The following PRDM5 variants were observed in gnomAD, a reference collection of about 807,000 sequenced individuals.
PRDM5 encodes PR/SET domain 5.
Under a neutral mutation model 81.2 loss-of-function variants are expected in PRDM5, and 56 were observed. The ratio of observed to expected loss-of-function variants is 0.69; its 90% CI spans 0.56 to 0.86. The LOEUF is 0.86. Ranked by LOEUF, PRDM5 falls within the 40% of genes least tolerant of loss-of-function variation. PRDM5 has a pLI of 0.00. For synonymous variants in PRDM5, 267 were observed against 256.4 expected (o/e 1.04, Z -0.39); for missense variants, 697 against 770.1 (o/e 0.91, Z 1.12).
At chr4:120,785,218 G>A (rs1201914647) in intron 10 of PRDM5, 127 bp from the exon 11 acceptor site, 1 of 725,456 alleles carries the variant, frequency 1.4e-6, no homozygotes, top group East Asian at 2.7e-5. Context: ...GTTTCTTCTA[G>A]TGCCATTCTT....
chr4:120,816,994 A>C, intron 5 of PRDM5, 70 bp from the exon 6 acceptor site: 1 of 1,204,160 alleles, frequency 8.3e-7, no homozygotes, highest in Non-Finnish European at 1.2e-6. Flanking sequence ...AAATGAAACT[A>C]CACTAACTCT....
chr4:120,729,830 C>T (rs1168719923), intron 14 of PRDM5, among the ~76,000 whole-genome samples: 2 of 152,176 alleles, frequency 1.3e-5, no homozygotes, highest in African/African-American at 2.4e-5. Flanking sequence ...AGTGGCACCA[C>T]TAAATGATTT....
intron 2 of PRDM5, among the ~76,000 whole-genome samples, chr4:120,900,052 C>G (rs1356542194): frequency 1.3e-5 from 2 of 152,168 alleles, no homozygotes; most frequent in Non-Finnish European, 2.9e-5. Context: ...AGAAGGGACG[C>G]AAAGCTTCCA....
At chr4:120,898,789 C>T (rs1764929014) in intron 2 of PRDM5, among the ~76,000 whole-genome samples, 1 of 152,118 alleles carries the variant, frequency 6.6e-6, no homozygotes, top group Non-Finnish European at 1.5e-5. Context: ...TTATTTATTA[C>T]AGATGTTTTA....
At chr4:120,741,494 A>T (rs843562) in intron 14 of PRDM5, among the ~76,000 whole-genome samples, 9,653 of 151,536 alleles carry the variant, frequency 0.064, 444 homozygotes, top group Middle Eastern at 0.12. Flanking sequence ...ACGGGTGATT[A>T]CTGCATTTCC....
chr4:120,807,360 G>A (rs1012011719), intron 8 of PRDM5, among the ~76,000 whole-genome samples: 1 of 152,192 alleles, frequency 6.6e-6, no homozygotes, highest in African/African-American at 2.4e-5. Context: ...TACCATTACT[G>A]GGTTATACCC....
chr4:120,833,347 C>T (rs1234514525), intron 3 of PRDM5, among the ~76,000 whole-genome samples: 1 of 152,170 alleles, frequency 6.6e-6, no homozygotes, highest in East Asian at 1.9e-4. Flanking sequence ...TGGTAGCCTT[C>T]TCGGTTATCA....
intron 14 of PRDM5, among the ~76,000 whole-genome samples, chr4:120,742,934 C>T (rs1243214702): frequency 6.6e-6 from 1 of 152,004 alleles, no homozygotes; most frequent in African/African-American, 2.4e-5. Context: ...GAGAATGCCA[C>T]AAAGATACTC....
At chr4:120,734,663 T>C (rs977150124) in intron 14 of PRDM5, among the ~76,000 whole-genome samples, 1 of 152,216 alleles carries the variant, frequency 6.6e-6, no homozygotes, top group African/African-American at 2.4e-5. Context: ...TGGTTCTCCT[T>C]CAGCCTCTTT....
intron 2 of PRDM5, among the ~76,000 whole-genome samples, chr4:120,906,610 G>A (rs1449617044): frequency 6.6e-6 from 1 of 152,100 alleles, no homozygotes; most frequent in Non-Finnish European, 1.5e-5. Context: ...GAACAGCAAC[G>A]AATATAATTG....
intron 15 of PRDM5, among the ~76,000 whole-genome samples, chr4:120,703,774 A>G (rs1425312207): frequency 6.6e-6 from 1 of 152,186 alleles, no homozygotes; most frequent in African/African-American, 2.4e-5. Context: ...TCAAAGAACT[A>G]GGTGGTGTTT....
At chr4:120,861,095 T>C (rs1760518127) in intron 2 of PRDM5, among the ~76,000 whole-genome samples, 1 of 152,096 alleles carries the variant, frequency 6.6e-6, no homozygotes, top group Admixed American at 6.6e-5. Flanking sequence ...GCAACCTGTG[T>C]CTCCTGGATT....
intron 1 of PRDM5, among the ~76,000 whole-genome samples, chr4:120,917,258 A>T (rs1724288140): frequency 6.6e-6 from 1 of 152,034 alleles, no homozygotes; most frequent in African/African-American, 2.4e-5. Context: ...TGCACTTAGA[A>T]TGCTCTTCCC....
At chr4:120,796,594 C>G (rs1751383348) in intron 10 of PRDM5, among the ~76,000 whole-genome samples, 1 of 152,088 alleles carries the variant, frequency 6.6e-6, no homozygotes, top group Non-Finnish European at 1.5e-5. Context: ...CACGTAATTC[C>G]AAAGCAGCAG....
intron 3 of PRDM5, among the ~76,000 whole-genome samples, chr4:120,843,992 G>A (rs867645787): frequency 8.5e-5 from 13 of 152,238 alleles, no homozygotes; most frequent in African/African-American, 2.6e-4. Flanking sequence ...TGGCCTAAGA[G>A]GATGCTTCGT....
At chr4:120,775,761 T>C (rs1054776852) in intron 13 of PRDM5, among the ~76,000 whole-genome samples, 6 of 152,292 alleles carry the variant, frequency 3.9e-5, no homozygotes, top group African/African-American at 1.4e-4. Flanking sequence ...AGATATCTTC[T>C]AAGAATTACT....
intron 2 of PRDM5, among the ~76,000 whole-genome samples, chr4:120,874,374 G>A (rs1017579652): frequency 3.9e-5 from 6 of 152,162 alleles, no homozygotes; most frequent in Non-Finnish European, 8.8e-5. Flanking sequence ...GAAAGCAGTG[G>A]AGGTGAAATG....
chr4:120,865,998 TG>T (rs1190740147), intron 2 of PRDM5, among the ~76,000 whole-genome samples: 3 of 152,248 alleles, frequency 2.0e-5, no homozygotes, highest in Admixed American at 2.0e-4. Flanking sequence ...ATAGCATTTT[TG>T]TAATTGACTC....
chr4:120,701,353 T>G (rs906903559), intron 15 of PRDM5, among the ~76,000 whole-genome samples: 1 of 151,922 alleles, frequency 6.6e-6, no homozygotes. Context: ...AGAAAACAAA[T>G]CATTTTACCA....
Sources: gnomAD v4.1 joint callset for allele counts (sites outside exome capture counted in the v4.1 genomes callset) on GRCh38, gnomAD v4.1.1 for gene constraint, MANE v1.5 for transcripts, NCBI Gene and HGNC (gene_info 2026-07-23, HGNC 2026-07-21) for gene names.